The following CPXM1 variants were observed in gnomAD, a reference collection of about 807,000 sequenced individuals.
CPXM1 encodes probable carboxypeptidase X1.
Under a neutral mutation model 80.4 loss-of-function variants are expected in CPXM1, and 72 were observed. That is an observed-to-expected ratio of 0.90 (90% CI 0.74 to 1.09). The LOEUF (loss-of-function observed/expected upper bound fraction) is 1.09, where lower values mean the gene tolerates loss of function less well. Among genes scored for constraint, CPXM1 ranks in the 50% least tolerant of loss-of-function variants. CPXM1 has a pLI of 0.00. For missense variants in CPXM1, 892 were observed against 999.4 expected, an observed-to-expected ratio of 0.89 and a Z score of 1.45; for synonymous variants, 403 against 405.6, an observed-to-expected ratio of 0.99 and a Z score of 0.08.
intron 3 of CPXM1, 35 bp downstream of exon 3, chr20:2,798,393 C>G: frequency 6.2e-7 from 1 of 1,605,298 alleles, no homozygotes; most frequent in South Asian, 1.1e-5. Flanking sequence ...GCCTTCCCTA[C>G]CCTGAGACCA....
Position 2,796,778 on chromosome 20 carries a change from A to T in CPXM1, c.922-128T>A. 7.3e-7 allele frequency: 1 copy of T among 1,365,610 alleles called. No homozygotes were observed. Among genetic ancestry groups the T allele is most frequent in the South Asian group, 1.4e-5 (1 of 73,962 alleles). The allele number at this position is 1,365,610 out of a possible 1,614,324, so 84.6% of individuals were successfully genotyped here. On this transcript the variant is annotated intron_variant, in intron 7 of 13. Transcript: ENST00000380605. This position sits in a 1 kb window ranked among gnomAD's most constrained non-coding sequence, Gnocchi z 6.8. ...CAGAGGGGGCATCCCATCATGGTAC[A>T]GGAGGGGAGCGGCAGCAGAGCCGGG...
chr20:2,797,150 G>T (rs751185244), intron 6 of CPXM1, 42 bp downstream of exon 6: 1 of 1,611,482 alleles, frequency 6.2e-7, no homozygotes, highest in South Asian at 1.1e-5. Context: ...GATGCACCCT[G>T]CATCCAAGCC....
chr20:2,795,708 A>G lies in CPXM1; in HGVS notation c.1611T>C (p.Ala537=). ...TGTCCTGCATGGCCAGATTACTGCC[A>G]GCATAGACAGTGCTGAGCCAGCGAA... is the stretch of plus-strand genomic sequence containing the variant. ...AVFRWLSTVY[A]GSNLAMQDTS... The change falls in exon 11 of 14, where the codon GCT becomes GCC. Residue 537 remains alanine (A), a synonymous_variant. Transcript: ENST00000380605. The surrounding 1 kb of genome is among the most constrained non-coding windows in gnomAD (Gnocchi z 5.4). 6.2e-7 allele frequency: 1 copy of G among 1,614,008 alleles called. No homozygotes were observed. The highest frequency in any genetic ancestry group is 8.5e-7 in the Non-Finnish European group (1 of 1,180,036).
Position 2,795,323 on chromosome 20 carries a change from T to TG in CPXM1, c.1813dup (p.Gln605ProfsTer36). ...GGCGTCTTTGTTGTTCTCCCACTCC[T>TG]GGGGCAATTCATTCTCGTGAGGGAA... On this transcript the variant is annotated frameshift_variant, in exon 12 of 14. Coordinates refer to ENST00000380605, the MANE Select transcript of CPXM1 (RefSeq NM_019609.5). LOFTEE classifies it high-confidence loss of function. This position sits in a 1 kb window ranked among gnomAD's most constrained non-coding sequence, Gnocchi z 5.4. 1 of 1,614,162 alleles carries TG rather than the reference T, an allele frequency of 6.2e-7. No homozygotes were observed.
Position 2,795,812 on chromosome 20 carries a change from C to A in CPXM1, c.1507G>T (p.Val503Leu). Residue 503 changes from valine to leucine, a missense_variant, in exon 11 of 14, where the codon GTG becomes TTG. Around this residue, in one of 2 missense-constraint regions of CPXM1, gnomAD observed 874 missense variants for 958.4 expected, o/e 0.91. Transcript: ENST00000380605. This position sits in a 1 kb window ranked among gnomAD's most constrained non-coding sequence, Gnocchi z 5.4. Reference sequence around the variant, plus strand: ...GTCATGTCGAATGGGTAGGACACCACGAGCTCACCCCCGTGGAGGTTGGCA... The same window carrying A: ...GTCATGTCGAATGGGTAGGACACCAAGAGCTCACCCCCGTGGAGGTTGGCA... ...LSANLHGGELVVSYPFDMTRT... is the reference protein window; with the variant it reads ...LSANLHGGELLVSYPFDMTRT... The A allele has an allele frequency of 6.2e-7, 1 of 1,612,062 alleles. No individual in the cohort carries two copies. Among genetic ancestry groups the A allele is most frequent in the South Asian group, 1.1e-5 (1 of 91,090 alleles).
In CPXM1 at chr20:2,797,218, G is replaced by A. The variant is rs375352160; in HGVS notation, c.806C>T (p.Ala269Val). ...WLQGGAPCLR[A>V]EILACPVSDP... Reference sequence around the variant, plus strand: ...TGAGACTGGGCAGGCCAGGATCTCTGCCCGGAGGCAAGGCGCGCCTCCCTG... The same window carrying A: ...TGAGACTGGGCAGGCCAGGATCTCTACCCGGAGGCAAGGCGCGCCTCCCTG... Residue 269 changes from alanine (A) to valine (V), a missense_variant, in exon 6 of 14, where the codon GCA (alanine) becomes GTA (valine). Physicochemically the swap from Ala to Val is moderately conservative, Grantham distance 64 (BLOSUM62 0). Transcript: ENST00000380605. The A allele has an allele frequency of 5.1e-5, 80 of 1,582,380 alleles. No homozygotes were observed. Among genetic ancestry groups the A allele is most frequent in the Non-Finnish European group, 6.9e-5 (80 of 1,160,888 alleles).
chr20:2,796,908 C>T lies in CPXM1; in HGVS notation c.921+98G>A. The T allele has an allele frequency of 1.7e-6, 2 of 1,177,682 alleles. No homozygotes were observed. Among genetic ancestry groups the T allele is most frequent in the South Asian group, 1.3e-5 (1 of 77,162 alleles). 73.0% of individuals were successfully genotyped at this position (1,177,682 alleles called of 1,614,324 possible). On this transcript the variant is annotated intron_variant, in intron 7 of 13. Transcript: ENST00000380605. The surrounding 1 kb of genome is among the most constrained non-coding windows in gnomAD (Gnocchi z 6.8). ...GACATCAGGAGGCAGCAGGGGCATA[C>T]AAGCGCAGTCACAGCAGGTTGTGCC...
rs765214877 is a variant in CPXM1, at chr20:2,796,140, C to A, written c.1264G>T (p.Ala422Ser). 6.2e-7 allele frequency: 1 copy of A among 1,611,374 alleles called. No homozygotes were observed. The highest frequency in any genetic ancestry group is 8.5e-7 in the Non-Finnish European group (1 of 1,178,606). Residue 422 changes from alanine to serine, a missense_variant, in exon 10 of 14, where the codon GCC becomes TCC. Physicochemically the swap from Ala to Ser is moderately conservative, Grantham distance 99. Around this residue, in one of 2 missense-constraint regions of CPXM1, gnomAD observed 874 missense variants for 958.4 expected, o/e 0.91. Coordinates refer to ENST00000380605, the MANE Select transcript of CPXM1 (RefSeq NM_019609.5). This position sits in a 1 kb window ranked among gnomAD's most constrained non-coding sequence, Gnocchi z 6.8. ...YHRGSELVGWAEGRWNNQSID... is the reference protein window; with the variant it reads ...YHRGSELVGWSEGRWNNQSID... ...CTCTGGTTGTTCCAGCGGCCCTCGG[C>A]CCAGCCCACCAGCTCTGAACCCTGC...
rs757094318 is a variant in CPXM1 at position 2,800,009 on chromosome 20, A to G, written c.172+392T>C. Among the ~76,000 whole-genome samples, 55 of 152,204 alleles carry G rather than the reference A, an allele frequency of 3.6e-4. 1 individual carries two copies. The highest frequency in any genetic ancestry group is 7.5e-4 in the Non-Finnish European group (51 of 68,028). On this transcript the variant is annotated intron_variant, in intron 1 of 13. Transcript: ENST00000380605. ...GGCGCCTGTCCTGGGACTGCTGACT[A>G]GGTCTGGCAGGGAACTGGGGCTGCC...
chr20:2,796,486 C>T lies in CPXM1; in HGVS notation c.1045+41G>A, dbSNP rs1459526340. On this transcript the variant is annotated intron_variant, in intron 8 of 13. Transcript: ENST00000380605. This position sits in a 1 kb window ranked among gnomAD's most constrained non-coding sequence, Gnocchi z 6.8. ...CTTGCAGCGGGTTCATGCCTGGGGC[C>T]CTGCCCTGTGCCTACCTCTCCCCAC... 2 of 1,613,412 alleles carry T rather than the reference C, an allele frequency of 1.2e-6. No homozygotes were observed. The highest frequency in any genetic ancestry group is 2.2e-5 in the South Asian group (2 of 90,974).
rs755610526 is a variant in CPXM1 at position 2,794,240 on chromosome 20, G to A, written c.2155C>T (p.Pro719Ser). ...RELLAAGAKV[P>S]PDLRRRLERL... ...TCCAGGCGCCTGCGAAGGTCCGGGG[G>A]CACCTTGGCCCCAGCTGCCAGCAGC... is the stretch of plus-strand genomic sequence containing the variant. The change falls in exon 14 of 14, where the codon CCC becomes TCC. Residue 719 changes from proline (P) to serine (S), a missense_variant. Pro to Ser is a moderately conservative substitution (Grantham distance 74). Around this residue, in one of 2 missense-constraint regions of CPXM1, gnomAD observed 874 missense variants for 958.4 expected, o/e 0.91. Coordinates refer to ENST00000380605, the MANE Select transcript of CPXM1 (RefSeq NM_019609.5). The surrounding 1 kb of genome is among the most constrained non-coding windows in gnomAD (Gnocchi z 5.2). 5.0e-6 allele frequency: 8 copies of A among 1,613,852 alleles called. No homozygotes were observed. In the Middle Eastern group the frequency reaches 6.6e-4, roughly 133 times the overall value.
chr20:2,800,393 G>C lies in CPXM1; in HGVS notation c.172+8C>G. Reference sequence around the variant, plus strand: ...GCGGGGGAGCGGACCGTCGGTCGGGGAACTCACCGTTAGCTGTCTCCGCCG... The same window carrying C: ...GCGGGGGAGCGGACCGTCGGTCGGGCAACTCACCGTTAGCTGTCTCCGCCG... On this transcript the variant is annotated splice_region_variant and intron_variant, in intron 1 of 13. Coordinates refer to ENST00000380605, the MANE Select transcript of CPXM1 (RefSeq NM_019609.5). 9 of 1,522,120 alleles carry C rather than the reference G, an allele frequency of 5.9e-6. No homozygotes were observed. The highest frequency in any genetic ancestry group is 7.9e-6 in the Non-Finnish European group (9 of 1,142,754). The allele number at this position is 1,522,120 out of a possible 1,614,324, so 94.3% of individuals were successfully genotyped here.
chr20:2,796,871 A>C lies in CPXM1; in HGVS notation c.921+135T>G. ...GGGATGGAGCTTAGGGGTCCACAGG[A>C]GAGAAGGCTGAGACATCAGGAGGCA... On this transcript the variant is annotated intron_variant, in intron 7 of 13. Transcript: ENST00000380605. This position sits in a 1 kb window ranked among gnomAD's most constrained non-coding sequence, Gnocchi z 6.8. The C allele has an allele frequency of 1.0e-6, 1 of 1,002,816 alleles. No individual in the cohort carries two copies. Among genetic ancestry groups the C allele is most frequent in the South Asian group, 1.5e-5 (1 of 67,230 alleles). The allele number at this position is 1,002,816 out of a possible 1,614,324, so 62.1% of individuals were successfully genotyped here.
intron 4 of CPXM1, 26 bp downstream of exon 4, chr20:2,798,126 C>T (rs775485463): frequency 6.2e-6 from 10 of 1,613,738 alleles, no homozygotes; most frequent in Non-Finnish European, 7.6e-6. Context: ...TCTGTGACCT[C>T]CTGACCTAGG....
At position 2,795,317 on chromosome 20, in the gene CPXM1, C is replaced by T; in HGVS notation, c.1820G>A (p.Trp607Ter). 4 of 1,614,132 alleles carry T rather than the reference C, an allele frequency of 2.5e-6. No individual in the cohort carries two copies. Among genetic ancestry groups the T allele is most frequent in the Non-Finnish European group, 3.4e-6 (4 of 1,180,016 alleles). The part of the protein sequence containing the change: ...FPHENELPQE[W>*]ENNKDALLTY... ...GAGGAGGGCGTCTTTGTTGTTCTCCCACTCCTGGGGCAATTCATTCTCGTG... is the reference window on the plus strand; with the variant it reads ...GAGGAGGGCGTCTTTGTTGTTCTCCTACTCCTGGGGCAATTCATTCTCGTG... Residue 607 changes from tryptophan (W) to a stop codon, truncating the protein, a stop_gained, in exon 12 of 14, where the codon TGG (tryptophan) becomes TAG (stop). Coordinates refer to ENST00000380605, the MANE Select transcript of CPXM1 (RefSeq NM_019609.5). LOFTEE classifies it high-confidence loss of function. The surrounding 1 kb of genome is among the most constrained non-coding windows in gnomAD (Gnocchi z 5.4).
chr20:2,797,298 G>C lies in CPXM1; in HGVS notation c.726C>G (p.Leu242=), dbSNP rs1464423806. 6.4e-7 allele frequency: 1 copy of C among 1,562,716 alleles called. No homozygotes were observed. Among genetic ancestry groups the C allele is most frequent in the African/African-American group, 1.4e-5 (1 of 73,924 alleles). The change falls in exon 6 of 14, where the codon CTC becomes CTG. Residue 242 remains leucine (L), a synonymous_variant. Transcript: ENST00000380605. Reference sequence around the variant, plus strand: ...AGCGGGCCACCTGGGGCTCCGGCAGGAGGTTCAGCACTGGAGTTTCTGGGT... The same window carrying C: ...AGCGGGCCACCTGGGGCTCCGGCAGCAGGTTCAGCACTGGAGTTTCTGGGT... ...NSDPETPVLN[L]LPEPQVARFI...
rs377341410 is a variant in CPXM1, at chr20:2,798,403, A to T, written c.450+25T>A. ...GGGCTGCCTTCCCTACCCTGAGACC[A>T]TGGCTCCGAGCCAGGATTACTGACC... On this transcript the variant is annotated intron_variant, in intron 3 of 13. Coordinates refer to ENST00000380605, the MANE Select transcript of CPXM1 (RefSeq NM_019609.5). 1.9e-6 allele frequency: 3 copies of T among 1,606,512 alleles called. 1 individual carries two copies. Among genetic ancestry groups the T allele is most frequent in the South Asian group, 1.1e-5 (1 of 90,424 alleles).
rs564222701 is a variant in CPXM1 at position 2,798,622 on chromosome 20, G to A, written c.341-85C>T. On this transcript the variant is annotated intron_variant, in intron 2 of 13. Transcript: ENST00000380605. ...AAGCTGAGCCTAAGGTTGCTCCTGCGCTAGGCAAGCAAGGGGCGTGCCGGT... is the reference window on the plus strand; with the variant it reads ...AAGCTGAGCCTAAGGTTGCTCCTGCACTAGGCAAGCAAGGGGCGTGCCGGT... 237 of 1,536,788 alleles carry A rather than the reference G, an allele frequency of 1.5e-4. 1 individual carries two copies. The African/African-American group carries it at 2.7e-3, about 17-fold the overall frequency.
At chr20:2,799,568 C>T (rs965499565) in intron 1 of CPXM1, among the ~76,000 whole-genome samples, 1 of 152,190 alleles carries the variant, frequency 6.6e-6, no homozygotes. Flanking sequence ...GCATCTGGTG[C>T]CCCTGTGCCT....
Sources: allele counts gnomAD v4.1 joint callset (sites outside exome capture counted in the v4.1 genomes callset), GRCh38; gene constraint gnomAD v4.1.1; regional missense constraint gnomAD v4.1.1; non-coding constraint Gnocchi (gnomAD v3.1); transcripts MANE v1.5; gene names NCBI Gene and HGNC (gene_info 2026-07-23, HGNC 2026-07-21).